R3HDM1: variants seen among roughly 807,000 people sequenced by gnomAD.
R3HDM1 encodes the protein R3H domain containing 1, also known as R3H domain-containing protein 1.
In R3HDM1, 46 loss-of-function variants were observed where a neutral mutation model predicts 141.1. The ratio of observed to expected loss-of-function variants is 0.33; its 90% CI spans 0.26 to 0.42. The LOEUF (loss-of-function observed/expected upper bound fraction) is 0.42, where lower values mean the gene tolerates loss of function less well. Among genes scored for constraint, R3HDM1 ranks in the 10% least tolerant of loss-of-function variants. The pLI, the probability that R3HDM1 is intolerant of heterozygous loss-of-function variation, is 1.00. For synonymous variants in R3HDM1, 435 were observed against 472.9 expected (o/e 0.92, Z 1.04); for missense variants, 1,184 against 1,368.3 (o/e 0.87, Z 2.12).
intron 1 of R3HDM1, among the ~76,000 whole-genome samples, chr2:135,594,617 G>A (rs866222677): frequency 1.3e-5 from 2 of 152,056 alleles, no homozygotes; most frequent in Admixed American, 1.3e-4. Context: ...AAATAGGTTC[G>A]GGGTAAAAAA....
chr2:135,549,805 A>G (rs934818193), intron 1 of R3HDM1: 3 of 261,580 alleles, frequency 1.1e-5, no homozygotes, highest in Non-Finnish European at 1.2e-5. Flanking sequence ...TTTTGAAACT[A>G]GAGATAGCTG....
intron 19 of R3HDM1, among the ~76,000 whole-genome samples, chr2:135,663,134 CAA>C (rs555551580): frequency 0.014 from 1,266 of 90,832 alleles, 13 homozygotes; most frequent in African/African-American, 0.041. Context: ...GCCTCTCTGC[CAA>C]AAAAAAAAAA....
intron 1 of R3HDM1, among the ~76,000 whole-genome samples, chr2:135,559,407 A>G (rs774173129): frequency 1.3e-5 from 2 of 152,152 alleles, no homozygotes; most frequent in African/African-American, 2.4e-5. Flanking sequence ...ATGAGTCACC[A>G]TACTTGGCCC....
intron 1 of R3HDM1, among the ~76,000 whole-genome samples, chr2:135,559,565 A>G (rs983384737): frequency 6.6e-6 from 1 of 152,232 alleles, no homozygotes; most frequent in South Asian, 2.1e-4. Context: ...ACCCTTGGCT[A>G]GAAGTATATT....
At position 135,604,909 on chromosome 2, in the gene R3HDM1, G is replaced by A; in HGVS notation, c.64G>A (p.Glu22Lys). ...ETATMKDLEA[E>K]VKDTTRVENL... is the part of the protein sequence containing the mutation. ...TGCAACAATGAAGGATTTGGAGGCAGAAGTGAAAGATACAACCAGAGTTGA... is the reference window on the plus strand; with the variant it reads ...TGCAACAATGAAGGATTTGGAGGCAAAAGTGAAAGATACAACCAGAGTTGA... The change falls in exon 3 of 27, where the codon GAA becomes AAA. Residue 22 changes from glutamate to lysine, a missense_variant. This residue lies in a region of R3HDM1 where 192 missense variants were observed against 215.7 expected (regional missense o/e 0.89). Coordinates refer to ENST00000683871, the MANE Select transcript of R3HDM1 (RefSeq NM_001378107.1). 6.2e-7 allele frequency: 1 copy of A among 1,611,044 alleles called. No homozygotes were observed. Among genetic ancestry groups the A allele is most frequent in the Admixed American group, 1.7e-5 (1 of 60,014 alleles).
At chr2:135,610,197 C>T (rs956249513) in intron 3 of R3HDM1, among the ~76,000 whole-genome samples, 3 of 152,142 alleles carry the variant, frequency 2.0e-5, no homozygotes, top group African/African-American at 4.8e-5. Context: ...TTGTACTTAA[C>T]AAATAGTTTG....
At chr2:135,654,811 A>G (rs2105288451) in intron 18 of R3HDM1, among the ~76,000 whole-genome samples, 1 of 151,734 alleles carries the variant, frequency 6.6e-6, no homozygotes, top group Non-Finnish European at 1.5e-5. Flanking sequence ...ATGTAGGTAC[A>G]TGTATTTTTT....
intron 3 of R3HDM1, chr2:135,607,369 G>A (rs2060167117): frequency 1.3e-5 from 13 of 975,290 alleles, no homozygotes; most frequent in Non-Finnish European, 1.6e-5. Context: ...CAGACACCAG[G>A]TTAGACAATG....
chr2:135,633,082 G>A (rs2062877467), intron 9 of R3HDM1, among the ~76,000 whole-genome samples: 1 of 152,114 alleles, frequency 6.6e-6, no homozygotes, highest in African/African-American at 2.4e-5. Flanking sequence ...GTAAATTAGT[G>A]AAAATAGATG....
At chr2:135,583,808 A>C in intron 1 of R3HDM1, 1 of 985,454 alleles carries the variant, frequency 1.0e-6, no homozygotes, top group South Asian at 4.7e-5. Context: ...AAAATAAAGA[A>C]GAAAGTTTAT....
intron 5 of R3HDM1, chr2:135,619,627 C>T (rs1005864585): frequency 2.1e-6 from 1 of 469,230 alleles, no homozygotes; most frequent in Admixed American, 6.4e-5. Flanking sequence ...TTTTCCAAGC[C>T]TTGAGATAAA....
intron 1 of R3HDM1, among the ~76,000 whole-genome samples, chr2:135,549,537 G>C (rs1699406830): frequency 6.9e-6 from 1 of 145,360 alleles, no homozygotes; most frequent in Admixed American, 6.9e-5. Flanking sequence ...CTCCAGCCTG[G>C]GTGACAAGAG....
At chr2:135,702,518 G>A (rs1048301997) in intron 21 of R3HDM1, among the ~76,000 whole-genome samples, 2 of 151,884 alleles carry the variant, frequency 1.3e-5, no homozygotes, top group Non-Finnish European at 2.9e-5. Context: ...AAAATTAGCC[G>A]GGCATGGTGG....
chr2:135,645,475 C>G lies in R3HDM1; in HGVS notation c.1571C>G (p.Pro524Arg). The G allele has an allele frequency of 6.2e-7, 1 of 1,614,096 alleles. No individual in the cohort carries two copies. Among genetic ancestry groups the G allele is most frequent in the East Asian group, 2.2e-5 (1 of 44,882 alleles). ...TCCCAAGTGCCTGGACCTCCACAGC[C>G]ACCTCTGCCAGCCCCACCTCAACAA... ...VRSQVPGPPQ[P>R]PLPAPPQQPA... Residue 524 changes from proline to arginine, a missense_variant, in exon 16 of 27, where the codon CCA becomes CGA. By Grantham distance (103) the Pro-to-Arg change is moderately radical. Coordinates refer to ENST00000683871, the MANE Select transcript of R3HDM1 (RefSeq NM_001378107.1).
chr2:135,639,183 GT>G, intron 14 of R3HDM1, 61 bp downstream of exon 14: 1 of 1,503,244 alleles, frequency 6.7e-7, no homozygotes, highest in South Asian at 1.2e-5. Context: ...GTTGTCTCAG[GT>G]CCTTATTTAT....
At chr2:135,686,094 A>T (rs888296486) in intron 21 of R3HDM1, among the ~76,000 whole-genome samples, 1 of 152,234 alleles carries the variant, frequency 6.6e-6, no homozygotes. Context: ...TCATTAGAGG[A>T]ATGCAAATCA....
At chr2:135,548,809 T>G in intron 1 of R3HDM1, among the ~76,000 whole-genome samples, 1 of 152,256 alleles carries the variant, frequency 6.6e-6, no homozygotes, top group East Asian at 1.9e-4. Context: ...TTCCTTTCTG[T>G]TGATGGCTTC....
At chr2:135,703,151 A>G (rs1468488739) in intron 21 of R3HDM1, among the ~76,000 whole-genome samples, 1 of 152,186 alleles carries the variant, frequency 6.6e-6, no homozygotes. Context: ...TAAATATATA[A>G]TGTAGACTCT....
At chr2:135,635,783 A>C in intron 9 of R3HDM1, 107 bp from the exon 10 acceptor site, 1 of 1,374,872 alleles carries the variant, frequency 7.3e-7, no homozygotes, top group Non-Finnish European at 9.7e-7. Flanking sequence ...GGCACTAAAA[A>C]GTGGTAACTT....
Sources: gnomAD v4.1 joint callset for allele counts (sites outside exome capture counted in the v4.1 genomes callset) on GRCh38, gnomAD v4.1.1 for gene constraint, gnomAD v4.1.1 regional missense constraint, MANE v1.5 for transcripts, NCBI Gene and HGNC (gene_info 2026-07-23, HGNC 2026-07-21) for gene names.